Variants in FRMD4A observed in about 807,000 individuals in gnomAD.
The protein encoded by FRMD4A is FERM domain-containing protein 4A.
Under a neutral mutation model 129.1 loss-of-function variants are expected in FRMD4A, and 29 were observed. The observed-to-expected ratio is 0.22, with a 90% CI of 0.17 to 0.31. FRMD4A has a LOEUF of 0.31. FRMD4A is among the 10% of genes least tolerant of loss of function. FRMD4A has a pLI of 1.00. For missense variants in FRMD4A, 1,272 were observed against 1,375.8 expected (o/e 0.92, Z 1.19); for synonymous variants, 634 against 571.6 (o/e 1.11, Z -1.56).
intron 2 of FRMD4A, among the ~76,000 whole-genome samples, chr10:14,296,701 G>A (rs558308041): frequency 2.6e-5 from 4 of 152,240 alleles, no homozygotes; most frequent in African/African-American, 7.2e-5. Context: ...TTCTTGAGTC[G>A]TTACCATAAA....
intron 4 of FRMD4A, among the ~76,000 whole-genome samples, chr10:13,799,472 A>G (rs1554904507): frequency 6.6e-6 from 1 of 151,596 alleles, no homozygotes; most frequent in Non-Finnish European, 1.5e-5. Context: ...TTGACTTTCT[A>G]TATCTGGAAA....
At chr10:14,185,466 A>G (rs920758564) in intron 2 of FRMD4A, among the ~76,000 whole-genome samples, 4 of 152,260 alleles carry the variant, frequency 2.6e-5, no homozygotes, top group African/African-American at 4.8e-5. Flanking sequence ...ATTAGTACAA[A>G]AAACATTACA....
At position 14,221,201 on chromosome 10, in the gene FRMD4A, C is replaced by T. The variant is rs144360920; in HGVS notation, c.45+108857G>A. Among the ~76,000 whole-genome samples, 1,060 of 152,284 alleles carry T rather than the reference C, an allele frequency of 7.0e-3. 4 individuals are homozygous for T. Among genetic ancestry groups the T allele is most frequent in the Non-Finnish European group, 0.011 (741 of 68,028 alleles). On this transcript the variant is annotated intron_variant, in intron 2 of 24. Transcript: ENST00000357447. ...GATGATCTGATGCTGCAGGGGGCTG[C>T]CCTACTGCCCTGAGGCCCCTTAACT...
chr10:14,186,548 T>C (rs1336809829), intron 2 of FRMD4A, among the ~76,000 whole-genome samples: 2 of 152,198 alleles, frequency 1.3e-5, no homozygotes, highest in Admixed American at 6.5e-5. Context: ...CCTGGTGTCA[T>C]AGTCTTGGCA....
chr10:14,075,005 A>C (rs527344399), intron 2 of FRMD4A, among the ~76,000 whole-genome samples: 1 of 152,262 alleles, frequency 6.6e-6, no homozygotes, highest in African/African-American at 2.4e-5. Context: ...TGTTTCATAG[A>C]GTAGAATCAA....
intron 12 of FRMD4A, among the ~76,000 whole-genome samples, chr10:13,737,341 C>T (rs1371453794): frequency 1.3e-5 from 2 of 152,210 alleles, no homozygotes; most frequent in African/African-American, 4.8e-5. Context: ...CCACCTGCCT[C>T]AGGCTCCCAA....
In FRMD4A at chr10:13,689,549, C is replaced by CT. The variant is rs34800095; in HGVS notation, c.1117+4348dup. 8.6e-3 allele frequency among the ~76,000 whole-genome samples: 1,109 copies of CT among 128,626 alleles called. 11 individuals carry two copies. The highest frequency in any genetic ancestry group is 0.032 in the Middle Eastern group (8 of 252). The allele number at this position is 128,626 out of a possible 152,430, so 84.4% of individuals were successfully genotyped here. A position where few individuals can be genotyped will look rare whatever the true frequency, so the allele number is the denominator to read the frequency against. On this transcript the variant is annotated intron_variant, in intron 15 of 24. Transcript: ENST00000357447. The stretch of plus-strand genomic sequence containing the variant: ...CTCTAGGAACATAGATTAGAAGATT[C>CT]TTTTTTTTTTTTTTTTTTAAGAGAC...
intron 2 of FRMD4A, among the ~76,000 whole-genome samples, chr10:14,062,916 C>A (rs527609987): frequency 6.6e-6 from 1 of 152,296 alleles, no homozygotes; most frequent in East Asian, 1.9e-4. Flanking sequence ...TTAATCCACA[C>A]CAGTTGTCAT....
chr10:13,656,695 C>G lies in FRMD4A; in HGVS notation c.2894G>C (p.Ser965Thr). ...SGSQYSTSSQ[S>T]TFVAHSRVTR... ...GACCCTGCTGTGCGCCACGAAGGTG[C>G]TCTGGGAGGAGGTGCTGTACTGCGA... Residue 965 changes from serine to threonine, a missense_variant, in exon 22 of 25, where the codon AGC becomes ACC. This residue lies in a region of FRMD4A where 972 missense variants were observed against 892.3 expected (regional missense o/e 1.09). Transcript: ENST00000357447. 6.4e-7 allele frequency: 1 copy of G among 1,570,848 alleles called. No individual in the cohort carries two copies. The highest frequency in any genetic ancestry group is 1.4e-5 in the African/African-American group (1 of 72,074).
At position 14,082,485 on chromosome 10, in the gene FRMD4A, G is replaced by C. The variant is rs563697465; in HGVS notation, c.46-223573C>G. ...TGAGGGGTAGACATTGAGGATCCTGGAAATGAATTAGTGTTCTTTCCTCCA... is the reference window on the plus strand; with the variant it reads ...TGAGGGGTAGACATTGAGGATCCTGCAAATGAATTAGTGTTCTTTCCTCCA... On this transcript the variant is annotated intron_variant, in intron 2 of 24. Coordinates refer to ENST00000357447, the MANE Select transcript of FRMD4A (RefSeq NM_018027.5). Among the ~76,000 whole-genome samples, 177 of 152,240 alleles carry C rather than the reference G, an allele frequency of 1.2e-3. 1 individual carries two copies. Among genetic ancestry groups the C allele is most frequent in the African/African-American group, 4.1e-3 (170 of 41,546 alleles).
chr10:14,209,298 G>A (rs140141104), intron 2 of FRMD4A, among the ~76,000 whole-genome samples: 3 of 152,216 alleles, frequency 2.0e-5, no homozygotes, highest in Non-Finnish European at 2.9e-5. Context: ...CACTCCTGTG[G>A]CAGATTGCAT....
At chr10:14,182,545 G>C (rs1841946847) in intron 2 of FRMD4A, among the ~76,000 whole-genome samples, 2 of 152,082 alleles carry the variant, frequency 1.3e-5, no homozygotes, top group Admixed American at 6.5e-5. Context: ...AGAGAAGTCT[G>C]ACAAGACAAA....
chr10:14,079,963 T>C (rs1332927220), intron 2 of FRMD4A, among the ~76,000 whole-genome samples: 1 of 152,124 alleles, frequency 6.6e-6, no homozygotes, highest in Non-Finnish European at 1.5e-5. Flanking sequence ...CCTGTGTCCA[T>C]TGCGCCCAAC....
At chr10:13,865,554 G>C (rs548490839) in intron 2 of FRMD4A, among the ~76,000 whole-genome samples, 3 of 151,512 alleles carry the variant, frequency 2.0e-5, no homozygotes, top group Admixed American at 2.0e-4. Context: ...AGGCTCAAGC[G>C]ATCCTCCCAC....
chr10:14,303,512 CT>C (rs1165461880), intron 2 of FRMD4A, among the ~76,000 whole-genome samples: 1 of 152,206 alleles, frequency 6.6e-6, no homozygotes, highest in Admixed American at 6.5e-5. Context: ...GTGTCCAATC[CT>C]AAGCCCTACT....
chr10:13,773,376 C>G (rs2092512299), intron 6 of FRMD4A, among the ~76,000 whole-genome samples: 1 of 152,230 alleles, frequency 6.6e-6, no homozygotes, highest in Non-Finnish European at 1.5e-5. Context: ...AGTTAGCCAC[C>G]TCGGTGGCCT....
Position 13,660,435 on chromosome 10 carries a change from C to T in FRMD4A, c.1779G>A (p.Gln593=), listed in dbSNP as rs138059200. 1.3e-3 allele frequency: 2,041 copies of T among 1,614,106 alleles called. 21 individuals carry two copies. In the South Asian group the frequency reaches 0.014, roughly 11 times the overall value. The change falls in exon 20 of 25, where the codon CAG becomes CAA. Residue 593 remains glutamine, a synonymous_variant. Coordinates refer to ENST00000357447, the MANE Select transcript of FRMD4A (RefSeq NM_018027.5). ...CATAGTCGTTGCGGTGATAGTGCAT[C>T]TGTCGGAGTCCCTCCAGGGACTGGG... is the stretch of plus-strand genomic sequence containing the variant. ...PPPQSLEGLR[Q]MHYHRNDYDK...
At chr10:13,843,267 C>T (rs1291452868) in intron 3 of FRMD4A, among the ~76,000 whole-genome samples, 2 of 152,148 alleles carry the variant, frequency 1.3e-5, no homozygotes, top group Non-Finnish European at 2.9e-5. Context: ...TGCATTTCCA[C>T]ATCTCAAGTG....
At chr10:14,330,297 G>T in intron 1 of FRMD4A, 114 bp from the exon 2 acceptor site, 1 of 517,246 alleles carries the variant, frequency 1.9e-6, no homozygotes, top group Non-Finnish European at 3.4e-6. Flanking sequence ...TGGGAACTGT[G>T]CTTAGGGAGG....
Sources: allele counts gnomAD v4.1 joint callset (sites outside exome capture counted in the v4.1 genomes callset), GRCh38; gene constraint gnomAD v4.1.1; regional missense constraint gnomAD v4.1.1; transcripts MANE v1.5; gene names NCBI Gene and HGNC (gene_info 2026-07-23, HGNC 2026-07-21).